ANKEF1: variants seen among roughly 807,000 people sequenced by gnomAD.
ANKEF1 encodes ankyrin repeat and EF-hand domain containing 1, also known as ankyrin repeat and EF-hand domain-containing protein 1.
Under a neutral mutation model 65.1 loss-of-function variants are expected in ANKEF1, and 43 were observed. That is an observed-to-expected ratio of 0.66 (90% CI 0.52 to 0.85). ANKEF1 has a LOEUF of 0.85. Among genes scored for constraint, ANKEF1 ranks in the 40% least tolerant of loss-of-function variants. The pLI, the probability that ANKEF1 is intolerant of heterozygous loss-of-function variation, is 0.00. For missense variants in ANKEF1, 934 were observed against 952.9 expected (o/e 0.98, Z 0.26); for synonymous variants, 316 against 341.5 (o/e 0.93, Z 0.82).
intron 2 of ANKEF1, among the ~76,000 whole-genome samples, chr20:10,036,255 A>C (rs1329699273): frequency 6.6e-6 from 1 of 152,246 alleles, no homozygotes; most frequent in Non-Finnish European, 1.5e-5. Flanking sequence ...GGGTGCTAAC[A>C]GAGGCAACAT....
At chr20:10,041,944 T>G (rs998378367) in intron 3 of ANKEF1, among the ~76,000 whole-genome samples, 13 of 151,464 alleles carry the variant, frequency 8.6e-5, no homozygotes, top group Non-Finnish European at 1.6e-4. Context: ...AAGTTTCCTG[T>G]TTTTTTTCCC....
chr20:10,053,513 C>CAA lies in ANKEF1; in HGVS notation c.2034+239_2034+240insAA, dbSNP rs575872897. ...AATCCATACAAAAACCAAATGGGTT[C>CAA]AGCCAAATACAATTAGAATGTTGAA... On this transcript the variant is annotated intron_variant, in intron 9 of 10. Transcript: ENST00000378392. 8.9e-3 allele frequency among the ~76,000 whole-genome samples: 1,359 copies of CAA among 152,234 alleles called. 8 individuals are homozygous for CAA. Among genetic ancestry groups the CAA allele is most frequent in the Middle Eastern group, 0.027 (8 of 294 alleles).
chr20:10,049,252 C>T (rs1984689579), intron 6 of ANKEF1, 138 bp from the exon 7 acceptor site: 1 of 779,910 alleles, frequency 1.3e-6, no homozygotes, highest in Middle Eastern at 3.7e-4. Flanking sequence ...GCAAAATGTG[C>T]ACATCTCTAT....
At chr20:10,042,330 A>AT (rs111482206) in intron 3 of ANKEF1, among the ~76,000 whole-genome samples, 13 of 150,220 alleles carry the variant, frequency 8.7e-5, no homozygotes, top group Admixed American at 2.0e-4. Context: ...TCCTTGCAGT[A>AT]TTTTTTTTTA....
At chr20:10,038,690 T>C in intron 3 of ANKEF1, 43 bp downstream of exon 3, 1 of 1,446,278 alleles carries the variant, frequency 6.9e-7, no homozygotes, top group Non-Finnish European at 9.4e-7. Context: ...CAATTCATTT[T>C]GTAGCCAGAA....
intron 9 of ANKEF1, among the ~76,000 whole-genome samples, chr20:10,053,630 C>T (rs1283583625): frequency 3.9e-5 from 6 of 152,086 alleles, no homozygotes; most frequent in East Asian, 1.9e-4. Flanking sequence ...AGGAGATTAA[C>T]CCTTATGAGG....
chr20:10,046,188 C>G (rs567211248), intron 6 of ANKEF1, among the ~76,000 whole-genome samples: 25 of 152,248 alleles, frequency 1.6e-4, no homozygotes, highest in African/African-American at 6.0e-4. Flanking sequence ...GCACAAGAAT[C>G]ACTTGAACCT....
rs777625272 is a variant in ANKEF1 at position 10,055,493 on chromosome 20, C to T, written c.2173-9C>T. 306 of 1,611,628 alleles carry T rather than the reference C, an allele frequency of 1.9e-4. No homozygotes were observed. The highest frequency in any genetic ancestry group is 2.5e-6 in the Non-Finnish European group (3 of 1,179,086). ...TACCTGCTGGGGTATGGCTATTTTT[C>T]TTTTTAAGATTTGGAGTCCTGAAGC... is the stretch of plus-strand genomic sequence containing the variant. On this transcript the variant is annotated splice_polypyrimidine_tract_variant and intron_variant, in intron 10 of 10. Coordinates refer to ENST00000378392, the MANE Select transcript of ANKEF1 (RefSeq NM_022096.6).
intron 3 of ANKEF1, 133 bp from the exon 4 acceptor site, chr20:10,042,989 G>T: frequency 1.2e-6 from 1 of 810,374 alleles, no homozygotes; most frequent in Non-Finnish European, 1.9e-6. Context: ...TGGTGTTTTA[G>T]TTGGTTTCAG....
At position 10,050,227 on chromosome 20, in the gene ANKEF1, CG is replaced by C; in HGVS notation, c.1643+18del. The C allele has an allele frequency of 6.4e-7, 1 of 1,560,892 alleles. No individual in the cohort carries two copies. The highest frequency in any genetic ancestry group is 8.7e-7 in the Non-Finnish European group (1 of 1,154,794). ...CTTGAAAAAGGGTACGCGTCTCCGTCGGGTGTGGCCTAAATTTTCACGAGTC... is the reference window on the plus strand; with the variant it reads ...CTTGAAAAAGGGTACGCGTCTCCGTCGGTGTGGCCTAAATTTTCACGAGTC... On this transcript the variant is annotated intron_variant, in intron 7 of 10. Transcript: ENST00000378392.
At chr20:10,044,917 A>G (rs902097606) in intron 5 of ANKEF1, among the ~76,000 whole-genome samples, 4 of 152,162 alleles carry the variant, frequency 2.6e-5, no homozygotes, top group African/African-American at 4.8e-5. Flanking sequence ...TCTTATCTCC[A>G]TGGTGTTTGT....
intron 3 of ANKEF1, among the ~76,000 whole-genome samples, chr20:10,041,069 A>T (rs1337957736): frequency 2.6e-5 from 4 of 151,404 alleles, no homozygotes; most frequent in African/African-American, 9.7e-5. Flanking sequence ...TTAATGGTGG[A>T]ATTTATCCAA....
Position 10,043,282 on chromosome 20 carries a change from AT to A in ANKEF1, c.512del (p.Leu171TrpfsTer19). On this transcript the variant is annotated frameshift_variant, in exon 4 of 11. Coordinates refer to ENST00000378392, the MANE Select transcript of ANKEF1 (RefSeq NM_022096.6). LOFTEE classifies it high-confidence loss of function. ...ATGATGTTAAAGATGTGTGCCTGAC[AT>A]TTTTGGAAAAAGGAGCCAATCCTAA... ...AHDVKDVCLT[F>X]LEKGANPNAI... The A allele has an allele frequency of 6.2e-7, 1 of 1,614,128 alleles. No homozygotes were observed. The highest frequency in any genetic ancestry group is 8.5e-7 in the Non-Finnish European group (1 of 1,180,006).
chr20:10,053,858 C>T (rs1985003463), intron 9 of ANKEF1, among the ~76,000 whole-genome samples: 1 of 152,128 alleles, frequency 6.6e-6, no homozygotes, highest in Admixed American at 6.5e-5. Flanking sequence ...TTTGGAACTT[C>T]TAAACTGCAG....
rs1195393415 is a variant in ANKEF1, at chr20:10,057,587, T to C, written c.*1927T>C. ...TGTCCCCGAACTATCTGTGTGTCCG[T>C]TGAAGACATGATGAAGACATGATGT... On this transcript the variant is annotated 3_prime_UTR_variant, in exon 11 of 11. Transcript: ENST00000378392. The C allele has an allele frequency of 6.6e-6, 1 of 152,232 alleles. No homozygotes were observed. Among genetic ancestry groups the C allele is most frequent in the Non-Finnish European group, 1.5e-5 (1 of 68,048 alleles). The allele number at this position is 152,232 out of a possible 1,614,324, so 9.4% of individuals were successfully genotyped here. A position where few individuals can be genotyped will look rare whatever the true frequency, so the allele number is the denominator to read the frequency against.
Position 10,056,723 on chromosome 20 carries a change from A to G in ANKEF1, c.*1063A>G, listed in dbSNP as rs1985197053. 6.6e-6 allele frequency: 1 copy of G among 152,106 alleles called. No individual in the cohort carries two copies. The highest frequency in any genetic ancestry group is 2.1e-4 in the South Asian group (1 of 4,824). 9.4% of individuals were successfully genotyped at this position (152,106 alleles called of 1,614,324 possible). A position where few individuals can be genotyped will look rare whatever the true frequency, so the allele number is the denominator to read the frequency against. On this transcript the variant is annotated 3_prime_UTR_variant, in exon 11 of 11. Coordinates refer to ENST00000378392, the MANE Select transcript of ANKEF1 (RefSeq NM_022096.6). ...TGTTCATACACCTAAATACTTCAGT[A>G]TGTCTTTCCTAAAATAAAAGGCATC...
chr20:10,038,294 G>T lies in ANKEF1; in HGVS notation c.-8G>T. ...GTCCAGAAAGCATTTTCAAGGAGCT[G>T]GTCAAGCATGGCTTTAGCAGATAAG... On this transcript the variant is annotated 5_prime_UTR_variant, in exon 3 of 11. Transcript: ENST00000378392. 6.8e-7 allele frequency: 1 copy of T among 1,472,762 alleles called. No individual in the cohort carries two copies. Among genetic ancestry groups the T allele is most frequent in the Non-Finnish European group, 9.1e-7 (1 of 1,102,924 alleles). The allele number at this position is 1,472,762 out of a possible 1,614,324, so 91.2% of individuals were successfully genotyped here.
At chr20:10,039,468 C>T (rs377628228) in intron 3 of ANKEF1, among the ~76,000 whole-genome samples, 1 of 152,284 alleles carries the variant, frequency 6.6e-6, no homozygotes, top group East Asian at 1.9e-4. Flanking sequence ...TATTTACTGA[C>T]AAGAGCAAAA....
chr20:10,036,529 G>A (rs1326227712), intron 2 of ANKEF1, among the ~76,000 whole-genome samples: 1 of 152,172 alleles, frequency 6.6e-6, no homozygotes, highest in Non-Finnish European at 1.5e-5. Flanking sequence ...CTAGTCCACC[G>A]CATGTTATAA....
Sources: allele counts gnomAD v4.1 joint callset (sites outside exome capture counted in the v4.1 genomes callset), GRCh38; gene constraint gnomAD v4.1.1; transcripts MANE v1.5; gene names NCBI Gene and HGNC (gene_info 2026-07-23, HGNC 2026-07-21).